Variants in MACROD2 observed in about 807,000 individuals in gnomAD.
MACROD2 encodes mono-ADP ribosylhydrolase 2.
In MACROD2, 36 loss-of-function variants were observed where a neutral mutation model predicts 70.4. The ratio of observed to expected loss-of-function variants is 0.51; its 90% CI spans 0.39 to 0.68. The LOEUF is 0.68. Among genes scored for constraint, MACROD2 ranks in the 30% least tolerant of loss-of-function variants. MACROD2 has a pLI of 0.00. For synonymous variants in MACROD2, 172 were observed against 178.8 expected (o/e 0.96, Z 0.30); for missense variants, 496 against 538.4 (o/e 0.92, Z 0.78).
intron 10 of MACROD2, 85 bp downstream of exon 10, chr20:15,885,896 A>G: frequency 7.6e-7 from 1 of 1,322,168 alleles, no homozygotes; most frequent in Non-Finnish European, 1.0e-6. Context: ...TCAACGAAAG[A>G]CAAAATAAGA....
At chr20:15,613,368 T>C (rs2048996531) in intron 8 of MACROD2, among the ~76,000 whole-genome samples, 1 of 152,224 alleles carries the variant, frequency 6.6e-6, no homozygotes, top group Non-Finnish European at 1.5e-5. Context: ...TGTGTAATAC[T>C]GCAGAAATCA....
At chr20:14,420,100 A>G (rs1186187788) in intron 3 of MACROD2, among the ~76,000 whole-genome samples, 2 of 151,456 alleles carry the variant, frequency 1.3e-5, no homozygotes, top group African/African-American at 2.4e-5. Context: ...GGTCCTCTAG[A>G]AATTTTTATT....
At chr20:14,226,044 TA>T (rs2081730296) in intron 3 of MACROD2, among the ~76,000 whole-genome samples, 1 of 152,010 alleles carries the variant, frequency 6.6e-6, no homozygotes, top group East Asian at 1.9e-4. Flanking sequence ...CTGGTTAGGG[TA>T]AAAGTGAGAA....
intron 5 of MACROD2, among the ~76,000 whole-genome samples, chr20:15,065,748 C>T (rs1217443254): frequency 6.6e-6 from 1 of 151,570 alleles, no homozygotes; most frequent in Non-Finnish European, 1.5e-5. Context: ...GTATATTTAT[C>T]TCATAAAAGT....
At chr20:14,638,082 T>G (rs1232193837) in intron 4 of MACROD2, among the ~76,000 whole-genome samples, 1 of 152,112 alleles carries the variant, frequency 6.6e-6, no homozygotes, top group Non-Finnish European at 1.5e-5. Flanking sequence ...GCTCAGTTCC[T>G]TTTTGTGTTG....
chr20:14,364,008 A>G (rs974503535), intron 3 of MACROD2, among the ~76,000 whole-genome samples: 14 of 152,008 alleles, frequency 9.2e-5, no homozygotes, highest in African/African-American at 3.1e-4. Context: ...ACTAATTACC[A>G]TAAATCCGAA....
At chr20:14,188,313 G>C (rs181373534) in intron 3 of MACROD2, among the ~76,000 whole-genome samples, 13 of 152,032 alleles carry the variant, frequency 8.6e-5, no homozygotes, top group African/African-American at 2.9e-4. Flanking sequence ...AACCTAAGTA[G>C]TTTGATAAAT....
chr20:14,003,983 ATCT>A (rs984401459), intron 2 of MACROD2, among the ~76,000 whole-genome samples: 12 of 152,272 alleles, frequency 7.9e-5, no homozygotes, highest in African/African-American at 2.2e-4. Flanking sequence ...CAGCAGCACT[ATCT>A]TCTTCTTTTT....
chr20:14,136,302 A>G (rs2054796624), intron 3 of MACROD2, among the ~76,000 whole-genome samples: 1 of 152,150 alleles, frequency 6.6e-6, no homozygotes, highest in South Asian at 2.1e-4. Context: ...TAATTCATAG[A>G]GGAATAAAAA....
intron 8 of MACROD2, among the ~76,000 whole-genome samples, chr20:15,515,036 AATTT>A (rs2047548766): frequency 6.6e-6 from 1 of 152,180 alleles, no homozygotes; most frequent in African/African-American, 2.4e-5. Context: ...GTTGCTTGGT[AATTT>A]ATTTGTGAAA....
At position 14,977,304 on chromosome 20, in the gene MACROD2, T is replaced by G. The variant is rs1315692384; in HGVS notation, c.419-252636T>G. Among the ~76,000 whole-genome samples, 251 of 147,418 alleles carry G rather than the reference T, an allele frequency of 1.7e-3. 3 individuals carry two copies. The highest frequency in any genetic ancestry group is 5.9e-3 in the African/African-American group (243 of 41,066). The stretch of plus-strand genomic sequence containing the variant: ...GCTCTTTTTAACACCTTGATTTTTT[T>G]TTTTTTTTTTTTTTAAATCACTGTA... On this transcript the variant is annotated intron_variant, in intron 5 of 17. Transcript: ENST00000684519.
intron 3 of MACROD2, among the ~76,000 whole-genome samples, chr20:14,153,955 G>A (rs2055058384): frequency 6.6e-6 from 1 of 152,166 alleles, no homozygotes; most frequent in South Asian, 2.1e-4. Context: ...CCCTTTGCCA[G>A]TTTGGAGAAA....
At chr20:15,794,260 G>A (rs890207083) in intron 8 of MACROD2, among the ~76,000 whole-genome samples, 2 of 152,034 alleles carry the variant, frequency 1.3e-5, no homozygotes, top group East Asian at 3.8e-4. Flanking sequence ...TCATATTCCT[G>A]TAATCTTCTC....
At chr20:14,971,714 C>A (rs1244646565) in intron 5 of MACROD2, among the ~76,000 whole-genome samples, 2 of 152,040 alleles carry the variant, frequency 1.3e-5, no homozygotes, top group African/African-American at 4.8e-5. Flanking sequence ...TCACATAGGG[C>A]CCAAAGATTG....
At chr20:15,847,543 C>T (rs954391864) in intron 8 of MACROD2, among the ~76,000 whole-genome samples, 8 of 152,024 alleles carry the variant, frequency 5.3e-5, no homozygotes, top group African/African-American at 1.7e-4. Flanking sequence ...CAGTGAAAAC[C>T]GAGAAACAGC....
At chr20:14,804,632 C>T (rs2072616719) in intron 5 of MACROD2, among the ~76,000 whole-genome samples, 1 of 151,968 alleles carries the variant, frequency 6.6e-6, no homozygotes, top group Admixed American at 6.6e-5. Context: ...GAGGGCTGTA[C>T]TGACCTGTGG....
rs1450541816 is a variant in MACROD2, at chr20:14,357,642, A to G, written c.272-135837A>G. The stretch of plus-strand genomic sequence containing the variant: ...AGGGCAAACCTTAGACACCAAATAC[A>G]GCCTATAAAACTATGAAGTGTGATT... On this transcript the variant is annotated intron_variant, in intron 3 of 17. Coordinates refer to ENST00000684519, the MANE Select transcript of MACROD2 (RefSeq NM_001351661.2). Among the ~76,000 whole-genome samples the G allele has an allele frequency of 3.9e-5, 6 of 152,368 alleles. No homozygotes were observed. In the East Asian group the frequency reaches 9.6e-4, roughly 24 times the overall value.
intron 8 of MACROD2, among the ~76,000 whole-genome samples, chr20:15,504,582 A>T (rs937412760): frequency 6.6e-6 from 1 of 152,326 alleles, no homozygotes; most frequent in South Asian, 2.1e-4. Context: ...GACAATCATG[A>T]CTGAAGAGGT....
intron 4 of MACROD2, among the ~76,000 whole-genome samples, chr20:14,592,786 A>G (rs1368886746): frequency 1.3e-5 from 2 of 152,158 alleles, no homozygotes; most frequent in African/African-American, 4.8e-5. Context: ...ATAAAAGAAA[A>G]TATTTCATTT....
Sources: gnomAD v4.1 joint callset for allele counts (sites outside exome capture counted in the v4.1 genomes callset) on GRCh38, gnomAD v4.1.1 for gene constraint, MANE v1.5 for transcripts, NCBI Gene and HGNC (gene_info 2026-07-23, HGNC 2026-07-21) for gene names.